Variants in MYO16 observed in about 807,000 individuals in gnomAD.
MYO16 encodes the protein myosin XVI, also known as unconventional myosin-XVI.
MYO16 carries 94 observed loss-of-function variants against 205.3 expected under a neutral mutation model. That is an observed-to-expected ratio of 0.46 (90% CI 0.39 to 0.54). MYO16 has a LOEUF of 0.54. MYO16 is among the 20% of genes least tolerant of loss of function. The pLI, the probability that MYO16 is intolerant of heterozygous loss-of-function variation, is 0.00. For synonymous variants in MYO16, 988 were observed against 954.0 expected, an observed-to-expected ratio of 1.04 and a Z score of -0.66; for missense variants, 2,315 against 2,387.5, an observed-to-expected ratio of 0.97 and a Z score of 0.63.
chr13:108,525,615 G>A, the MYO16 span, among the ~76,000 whole-genome samples: 2 of 152,130 alleles, frequency 1.3e-5, no homozygotes, highest in South Asian at 2.1e-4. Context: ...GTTAAAAACC[G>A]CTGATCTTGA....
intron 2 of MYO16, among the ~76,000 whole-genome samples, chr13:108,707,522 A>G (rs1291806011): frequency 6.6e-6 from 1 of 152,012 alleles, no homozygotes; most frequent in Non-Finnish European, 1.5e-5. Context: ...CAGCATGAGC[A>G]CCTCCTGTGA....
At chr13:108,986,354 G>C (rs1032799399) in intron 20 of MYO16, among the ~76,000 whole-genome samples, 2 of 152,104 alleles carry the variant, frequency 1.3e-5, no homozygotes, top group Middle Eastern at 3.2e-3. Flanking sequence ...GGGCATGGTG[G>C]CTCATGGCTG....
the MYO16 span, among the ~76,000 whole-genome samples, chr13:108,554,295 C>T: frequency 2.6e-4 from 40 of 151,754 alleles, no homozygotes; most frequent in African/African-American, 9.7e-4. Context: ...GTGCTTTTAT[C>T]ATCAACAAAA....
chr13:109,122,046 T>C (rs1183439237), intron 29 of MYO16, among the ~76,000 whole-genome samples: 3 of 152,340 alleles, frequency 2.0e-5, no homozygotes, highest in South Asian at 2.1e-4. Context: ...CCAACCCATG[T>C]GTCCCTGGAA....
At chr13:108,588,095 A>AT in the MYO16 span, among the ~76,000 whole-genome samples, 1 of 152,116 alleles carries the variant, frequency 6.6e-6, no homozygotes, top group Non-Finnish European at 1.5e-5. Context: ...CCTTTAAAAT[A>AT]TTTTTTCCGA....
At chr13:109,041,172 G>A (rs749762112) in intron 23 of MYO16, among the ~76,000 whole-genome samples, 5 of 151,974 alleles carry the variant, frequency 3.3e-5, no homozygotes, top group East Asian at 1.9e-4. Flanking sequence ...CTTGTGTGGC[G>A]AAAACCACAA....
At chr13:108,959,464 C>T (rs1330294021) in intron 17 of MYO16, among the ~76,000 whole-genome samples, 1 of 152,172 alleles carries the variant, frequency 6.6e-6, no homozygotes, top group East Asian at 1.9e-4. Context: ...AAGCAAAGTA[C>T]ACTTTCTGAC....
intron 12 of MYO16, among the ~76,000 whole-genome samples, chr13:108,866,829 C>T (rs1455663895): frequency 6.6e-6 from 1 of 152,024 alleles, no homozygotes; most frequent in Non-Finnish European, 1.5e-5. Flanking sequence ...TCCGCTAATA[C>T]AGAACAGGAG....
intron 1 of MYO16, among the ~76,000 whole-genome samples, chr13:108,611,124 C>T (rs937709786): frequency 6.6e-6 from 1 of 152,078 alleles, no homozygotes; most frequent in Non-Finnish European, 1.5e-5. Context: ...TGAGGTATCA[C>T]TTCAAAGATT....
In MYO16 at chr13:109,023,802, T is replaced by C. The variant is rs573967306; in HGVS notation, c.2796+3891T>C. On this transcript the variant is annotated intron_variant, in intron 23 of 34. Transcript: ENST00000457511. ...ATATTATATGCATATTCTACATTTATATACATATATTTATATTTTATATTT... is the reference window on the plus strand; with the variant it reads ...ATATTATATGCATATTCTACATTTACATACATATATTTATATTTTATATTT... Among the ~76,000 whole-genome samples, 12 of 135,968 alleles carry C rather than the reference T, an allele frequency of 8.8e-5. No homozygotes were observed. In the East Asian group the frequency reaches 2.3e-3, roughly 26 times the overall value. 89.2% of individuals were successfully genotyped at this position (135,968 alleles called of 152,430 possible).
chr13:108,945,521 C>T (rs1882904328), intron 16 of MYO16, among the ~76,000 whole-genome samples: 1 of 152,126 alleles, frequency 6.6e-6, no homozygotes, highest in Non-Finnish European at 1.5e-5. Context: ...TGCAATAGAA[C>T]ATTAGGTGTC....
chr13:108,632,165 T>G (rs1020725993), intron 1 of MYO16, among the ~76,000 whole-genome samples: 1 of 151,878 alleles, frequency 6.6e-6, no homozygotes, highest in East Asian at 1.9e-4. Context: ...GTTTAATGGT[T>G]GTTCCTGATG....
intron 4 of MYO16, among the ~76,000 whole-genome samples, chr13:108,748,588 T>TA (rs1415885693): frequency 6.6e-6 from 1 of 152,114 alleles, no homozygotes; most frequent in East Asian, 1.9e-4. Flanking sequence ...ATTATAAGAC[T>TA]ACAGTAATCA....
rs199984891 is a variant in MYO16 at position 109,139,819 on chromosome 13, T to G, written c.4052-445T>G. ...TAACACAAGTAGTTTAGGTCGGGGG[T>G]TGATATTATTATTATTATTATTTTA... is the stretch of plus-strand genomic sequence containing the variant. On this transcript the variant is annotated intron_variant, in intron 31 of 34. Coordinates refer to ENST00000457511, the MANE Select transcript of MYO16 (RefSeq NM_001198950.3). 3.4e-5 allele frequency among the ~76,000 whole-genome samples: 5 copies of G among 144,996 alleles called. No homozygotes were observed. In the East Asian group the frequency reaches 9.9e-4, roughly 29 times the overall value.
intron 12 of MYO16, among the ~76,000 whole-genome samples, chr13:108,873,019 C>T (rs1317802442): frequency 2.6e-5 from 4 of 152,054 alleles, no homozygotes; most frequent in Admixed American, 6.6e-5. Context: ...GTGGTTATTC[C>T]CTGTAGCAAT....
chr13:108,636,357 T>TGTG (rs1248370044), intron 1 of MYO16, among the ~76,000 whole-genome samples: 375 of 60,640 alleles, frequency 6.2e-3, no homozygotes, highest in Non-Finnish European at 0.01. Flanking sequence ...TTTTTTTTTT[T>TGTG]TTTTTTTTTT....
chr13:108,711,370 T>A (rs566464556), intron 2 of MYO16, among the ~76,000 whole-genome samples: 2 of 152,370 alleles, frequency 1.3e-5, no homozygotes, highest in African/African-American at 2.4e-5. Flanking sequence ...AGAAAGAACA[T>A]CATCAAAGGA....
the MYO16 span, among the ~76,000 whole-genome samples, chr13:108,498,319 AT>A: frequency 4.0e-5 from 6 of 151,624 alleles, no homozygotes; most frequent in Non-Finnish European, 2.9e-5. Context: ...GACTTAGGTA[AT>A]TTTTTTTTCA....
chr13:108,750,820 A>T (rs563737572), intron 4 of MYO16, among the ~76,000 whole-genome samples: 318 of 152,058 alleles, frequency 2.1e-3, no homozygotes, highest in African/African-American at 7.4e-3. Context: ...CAACAAAAAA[A>T]ATTCTGATAC....
Sources: allele counts gnomAD v4.1 joint callset (sites outside exome capture counted in the v4.1 genomes callset), GRCh38; gene constraint gnomAD v4.1.1; transcripts MANE v1.5; gene names NCBI Gene and HGNC (gene_info 2026-07-23, HGNC 2026-07-21).